The following LINGO2 variants were observed in gnomAD, a reference collection of about 807,000 sequenced individuals.
LINGO2 encodes leucine-rich repeat and immunoglobulin-like domain-containing nogo receptor-interacting protein 2.
A neutral mutation model predicts 30.6 loss-of-function variants in LINGO2; 14 were observed. The observed-to-expected ratio is 0.46, with a 90% confidence interval of 0.30 to 0.72. LINGO2 has a LOEUF of 0.72. Among genes scored for constraint, LINGO2 ranks in the 30% least tolerant of loss-of-function variants. The pLI is 0.07. For missense variants in LINGO2, 729 were observed against 751.7 expected, an observed-to-expected ratio of 0.97 and a Z score of 0.35; for synonymous variants, 317 against 288.5, an observed-to-expected ratio of 1.10 and a Z score of -1.00.
the LINGO2 span, among the ~76,000 whole-genome samples, chr9:29,130,703 C>T: frequency 6.6e-6 from 1 of 151,968 alleles, no homozygotes; most frequent in Non-Finnish European, 1.5e-5. Context: ...AACTCAAAGG[C>T]TCAACACACT....
At chr9:28,304,637 C>G (rs947714212) in intron 3 of LINGO2, among the ~76,000 whole-genome samples, 2 of 151,952 alleles carry the variant, frequency 1.3e-5, no homozygotes, top group African/African-American at 4.8e-5. Flanking sequence ...TGGAATTATA[C>G]AGTACACACA....
the LINGO2 span, among the ~76,000 whole-genome samples, chr9:29,107,052 C>T: frequency 6.6e-6 from 1 of 152,130 alleles, no homozygotes; most frequent in Non-Finnish European, 1.5e-5. Flanking sequence ...CATTATTTCA[C>T]AGTATAAAAT....
chr9:28,138,920 G>A (rs1325760126), intron 4 of LINGO2, among the ~76,000 whole-genome samples: 1 of 152,134 alleles, frequency 6.6e-6, no homozygotes, highest in Non-Finnish European at 1.5e-5. Flanking sequence ...TGTAAGGACT[G>A]TTATTTGTCT....
chr9:28,632,869 TATATATATATGTAGAGAGAG>T (rs1563879085), intron 1 of LINGO2, among the ~76,000 whole-genome samples: 1,115 of 110,966 alleles, frequency 0.01, 35 homozygotes, highest in African/African-American at 0.027. Flanking sequence ...TATATATATA[TATATATATATGTAGAGAGAG>T]AGAGAGAGAG....
intron 5 of LINGO2, among the ~76,000 whole-genome samples, chr9:27,994,825 C>T (rs962278720): frequency 1.3e-5 from 2 of 152,084 alleles, no homozygotes; most frequent in African/African-American, 4.8e-5. Context: ...CACAAAATCC[C>T]AATGCAGAAC....
At chr9:28,871,145 T>C in the LINGO2 span, among the ~76,000 whole-genome samples, 1 of 151,776 alleles carries the variant, frequency 6.6e-6, no homozygotes, top group South Asian at 2.1e-4. Context: ...AAGGAAATTG[T>C]TAAATAAATT....
At chr9:29,043,094 C>G in the LINGO2 span, among the ~76,000 whole-genome samples, 1 of 151,532 alleles carries the variant, frequency 6.6e-6, no homozygotes, top group Non-Finnish European at 1.5e-5. Context: ...GTTTTTTAAA[C>G]AAAAACAACA....
intron 2 of LINGO2, among the ~76,000 whole-genome samples, chr9:28,400,647 T>G (rs983187520): frequency 2.0e-5 from 3 of 152,180 alleles, no homozygotes; most frequent in African/African-American, 7.2e-5. Flanking sequence ...AGCTCAAACC[T>G]TGAACAAATA....
At chr9:28,801,751 G>A in the LINGO2 span, among the ~76,000 whole-genome samples, 1 of 151,978 alleles carries the variant, frequency 6.6e-6, no homozygotes, top group Non-Finnish European at 1.5e-5. Context: ...GGAGGATAAG[G>A]GTATGTTAGA....
the LINGO2 span, among the ~76,000 whole-genome samples, chr9:28,757,089 GT>G: frequency 5.0e-3 from 763 of 152,098 alleles, 4 homozygotes; most frequent in Non-Finnish European, 8.2e-3. Flanking sequence ...GCTTTAACCA[GT>G]TTATTTAAAA....
At chr9:28,777,727 G>T in the LINGO2 span, among the ~76,000 whole-genome samples, 1,179 of 152,242 alleles carry the variant, frequency 7.7e-3, 10 homozygotes, top group African/African-American at 0.027. Flanking sequence ...TCATGATGTG[G>T]GTAGGAGACA....
At chr9:28,740,603 T>C in the LINGO2 span, among the ~76,000 whole-genome samples, 5 of 151,914 alleles carry the variant, frequency 3.3e-5, no homozygotes, top group African/African-American at 1.2e-4. Flanking sequence ...TGTTTCTCTC[T>C]TTTTTCTTCT....
chr9:28,228,148 T>C (rs1821235737), intron 4 of LINGO2, among the ~76,000 whole-genome samples: 1 of 152,110 alleles, frequency 6.6e-6, no homozygotes. Context: ...AGCCAGATAC[T>C]CACCTAATGA....
At chr9:29,063,120 C>T in the LINGO2 span, among the ~76,000 whole-genome samples, 7 of 151,566 alleles carry the variant, frequency 4.6e-5, no homozygotes, top group African/African-American at 1.7e-4. Context: ...TATTTGTTTG[C>T]TTTTTGTTCT....
At chr9:28,732,381 A>T in the LINGO2 span, among the ~76,000 whole-genome samples, 6 of 152,008 alleles carry the variant, frequency 3.9e-5, no homozygotes, top group Non-Finnish European at 5.9e-5. Flanking sequence ...AAAATCCAAC[A>T]CTCTGAAAAG....
At chr9:28,521,880 A>T (rs1425401760) in intron 1 of LINGO2, among the ~76,000 whole-genome samples, 3 of 152,146 alleles carry the variant, frequency 2.0e-5, no homozygotes, top group Admixed American at 2.0e-4. Context: ...GAAGGTGGAG[A>T]CAGGTTGGAA....
At chr9:28,848,283 CTATGCATATATATAT>C in the LINGO2 span, among the ~76,000 whole-genome samples, 37 of 82,342 alleles carry the variant, frequency 4.5e-4, no homozygotes, top group African/African-American at 2.7e-3. Context: ...TATATATACA[CTATGCATATATATAT>C]ACTATATATA....
At chr9:29,090,999 T>C in the LINGO2 span, among the ~76,000 whole-genome samples, 1 of 152,162 alleles carries the variant, frequency 6.6e-6, no homozygotes, top group South Asian at 2.1e-4. Context: ...CTCTCCAGAT[T>C]AAAAGAATAT....
At chr9:29,188,409 T>C in the LINGO2 span, among the ~76,000 whole-genome samples, 2 of 152,198 alleles carry the variant, frequency 1.3e-5, no homozygotes, top group Admixed American at 6.5e-5. Context: ...AAGTCTCCCA[T>C]GTCTACTTCT....
Sources: allele counts gnomAD v4.1 joint callset (sites outside exome capture counted in the v4.1 genomes callset), GRCh38; gene constraint gnomAD v4.1.1; transcripts MANE v1.5; gene names NCBI Gene and HGNC (gene_info 2026-07-23, HGNC 2026-07-21).